The following ST6GALNAC3 variants were observed in gnomAD, a reference collection of about 807,000 sequenced individuals.
The protein encoded by ST6GALNAC3 is ST6 N-acetylgalactosaminide alpha-2,6-sialyltransferase 3.
ST6GALNAC3 carries 25 observed loss-of-function variants against 32.7 expected under a neutral mutation model. That is an observed-to-expected ratio of 0.76 (90% CI 0.56 to 1.07). ST6GALNAC3 has a LOEUF of 1.07. Ranked by LOEUF, ST6GALNAC3 falls within the 50% of genes least tolerant of loss-of-function variation. The pLI, the probability that ST6GALNAC3 is intolerant of heterozygous loss-of-function variation, is 0.00. For synonymous variants in ST6GALNAC3, 129 were observed against 133.1 expected (o/e 0.97, Z 0.21); for missense variants, 355 against 382.4 (o/e 0.93, Z 0.60).
At chr1:76,315,391 T>C (rs534133885) in intron 2 of ST6GALNAC3, among the ~76,000 whole-genome samples, 19 of 152,238 alleles carry the variant, frequency 1.2e-4, no homozygotes, top group African/African-American at 4.3e-4. Flanking sequence ...AGTATTCTCA[T>C]ATGGGAAATC....
chr1:76,553,776 A>G (rs889940126), intron 3 of ST6GALNAC3, among the ~76,000 whole-genome samples: 6 of 152,228 alleles, frequency 3.9e-5, no homozygotes, highest in African/African-American at 1.2e-4. Flanking sequence ...GTTCTGCTCA[A>G]TAAGTAGAGT....
Position 76,467,769 on chromosome 1 carries a change from AT to A in ST6GALNAC3, c.623+55358del, listed in dbSNP as rs904970796. ...TAATTAGGAAAAATTTTTTGCAATT[AT>A]TTTTTCTTAAACTGTATGGGTACCC... On this transcript the variant is annotated intron_variant, in intron 3 of 4. Coordinates refer to ENST00000328299, the MANE Select transcript of ST6GALNAC3 (RefSeq NM_152996.4). 1.5e-3 allele frequency among the ~76,000 whole-genome samples: 233 copies of A among 151,882 alleles called. 2 individuals carry two copies. Among genetic ancestry groups the A allele is most frequent in the African/African-American group, 5.4e-3 (225 of 41,460 alleles).
chr1:76,311,347 G>T (rs1470228801), intron 1 of ST6GALNAC3, among the ~76,000 whole-genome samples: 2 of 151,328 alleles, frequency 1.3e-5, no homozygotes, highest in East Asian at 3.9e-4. Flanking sequence ...TTGTTACATA[G>T]GTATACATGT....
intron 1 of ST6GALNAC3, among the ~76,000 whole-genome samples, chr1:76,109,479 A>C (rs1647772630): frequency 6.6e-6 from 1 of 152,252 alleles, no homozygotes; most frequent in South Asian, 2.1e-4. Context: ...GTTATTCTGC[A>C]ATATTCCATT....
intron 1 of ST6GALNAC3, among the ~76,000 whole-genome samples, chr1:76,218,404 A>C (rs1655589861): frequency 1.3e-5 from 2 of 152,232 alleles, no homozygotes; most frequent in Admixed American, 6.5e-5. Context: ...CTCCTTGGAA[A>C]GAAAGCTCAA....
At chr1:76,594,727 G>A (rs1055590461) in intron 3 of ST6GALNAC3, among the ~76,000 whole-genome samples, 18 of 152,088 alleles carry the variant, frequency 1.2e-4, no homozygotes, top group African/African-American at 4.3e-4. Context: ...AATAAACTAT[G>A]TTACCACTTA....
chr1:76,605,915 A>C (rs1005364701), intron 3 of ST6GALNAC3, among the ~76,000 whole-genome samples: 3 of 151,180 alleles, frequency 2.0e-5, no homozygotes, highest in African/African-American at 7.3e-5. Context: ...ATGAACAGAC[A>C]TTTCTCAAAA....
At chr1:76,583,606 C>A (rs759394691) in intron 3 of ST6GALNAC3, among the ~76,000 whole-genome samples, 1 of 152,022 alleles carries the variant, frequency 6.6e-6, no homozygotes, top group Non-Finnish European at 1.5e-5. Context: ...AGAGTGCCTG[C>A]CACTGTATAA....
At chr1:76,298,346 G>A (rs1054685237) in intron 1 of ST6GALNAC3, among the ~76,000 whole-genome samples, 2 of 151,974 alleles carry the variant, frequency 1.3e-5, no homozygotes, top group Admixed American at 1.3e-4. Context: ...CGATTGATGG[G>A]CAAAGGAGAG....
At chr1:76,573,693 C>T (rs1646750860) in intron 3 of ST6GALNAC3, among the ~76,000 whole-genome samples, 1 of 150,652 alleles carries the variant, frequency 6.6e-6, no homozygotes, top group African/African-American at 2.5e-5. Context: ...GGTGTAATAA[C>T]ATTTCATTTT....
At chr1:76,611,425 A>T (rs939922117) in intron 3 of ST6GALNAC3, among the ~76,000 whole-genome samples, 29 of 152,184 alleles carry the variant, frequency 1.9e-4, no homozygotes, top group African/African-American at 5.8e-4. Context: ...AACTGCTAAG[A>T]TTACATGTCT....
intron 1 of ST6GALNAC3, among the ~76,000 whole-genome samples, chr1:76,276,941 A>AT: frequency 6.6e-6 from 1 of 152,150 alleles, no homozygotes; most frequent in East Asian, 1.9e-4. Flanking sequence ...TTTAATTGAT[A>AT]TTTTTATTTC....
At chr1:76,431,512 C>T (rs113697998) in intron 3 of ST6GALNAC3, among the ~76,000 whole-genome samples, 3 of 152,252 alleles carry the variant, frequency 2.0e-5, no homozygotes, top group African/African-American at 7.2e-5. Context: ...CTTTCTGTCT[C>T]TCAGTTCCTC....
At chr1:76,128,627 A>C (rs980820875) in intron 1 of ST6GALNAC3, among the ~76,000 whole-genome samples, 1 of 152,160 alleles carries the variant, frequency 6.6e-6, no homozygotes, top group Non-Finnish European at 1.5e-5. Context: ...GTCACACCCA[A>C]CAGAACAAAC....
In ST6GALNAC3 at chr1:76,599,455, C is replaced by T. The variant is rs937872336; in HGVS notation, c.624-27997C>T. Reference sequence around the variant, plus strand: ...CAATGCTCTCCCTCCCCTTGCCCCCCACCCTCCGACAGGCCCCAGTGTGTG... The same window carrying T: ...CAATGCTCTCCCTCCCCTTGCCCCCTACCCTCCGACAGGCCCCAGTGTGTG... On this transcript the variant is annotated intron_variant, in intron 3 of 4. Coordinates refer to ENST00000328299, the MANE Select transcript of ST6GALNAC3 (RefSeq NM_152996.4). Among the ~76,000 whole-genome samples the T allele has an allele frequency of 2.0e-5, 3 of 151,922 alleles. No individual in the cohort carries two copies. The East Asian group carries it at 5.8e-4, about 29-fold the overall frequency.
chr1:76,616,985 G>A (rs2100689244), intron 3 of ST6GALNAC3, among the ~76,000 whole-genome samples: 1 of 152,202 alleles, frequency 6.6e-6, no homozygotes, highest in East Asian at 1.9e-4. Flanking sequence ...GGCTCTGGCT[G>A]AGGCTCATTT....
chr1:76,377,170 G>C (rs1252694682), intron 2 of ST6GALNAC3, among the ~76,000 whole-genome samples: 2 of 152,118 alleles, frequency 1.3e-5, no homozygotes, highest in East Asian at 1.9e-4. Context: ...AAGAAATCTT[G>C]AATAAGAAGA....
At chr1:76,325,301 T>C (rs1229998707) in intron 2 of ST6GALNAC3, among the ~76,000 whole-genome samples, 1 of 152,178 alleles carries the variant, frequency 6.6e-6, no homozygotes, top group East Asian at 1.9e-4. Context: ...AGAGAAATAG[T>C]GAGTATTCTA....
intron 1 of ST6GALNAC3, among the ~76,000 whole-genome samples, chr1:76,229,705 A>G (rs868742417): frequency 1.3e-5 from 2 of 152,286 alleles, no homozygotes; most frequent in South Asian, 4.1e-4. Context: ...CTTCAGGTAC[A>G]TTAGCATTTC....
Sources: gnomAD v4.1 joint callset for allele counts (sites outside exome capture counted in the v4.1 genomes callset) on GRCh38, gnomAD v4.1.1 for gene constraint, MANE v1.5 for transcripts, NCBI Gene and HGNC (gene_info 2026-07-23, HGNC 2026-07-21) for gene names.